The following NTRK2 variants were observed in gnomAD, a reference collection of about 807,000 sequenced individuals.
NTRK2 encodes neurotrophic receptor tyrosine kinase 2.
Under a neutral mutation model 94.5 loss-of-function variants are expected in NTRK2, and 13 were observed. The ratio of observed to expected loss-of-function variants is 0.14; its 90% CI spans 0.09 to 0.22. The LOEUF is 0.22. Among genes scored for constraint, NTRK2 ranks in the 10% least tolerant of loss-of-function variants. The probability of loss-of-function intolerance (pLI) is 1.00; values close to 1 mark genes in which losing one functional copy is unlikely to be tolerated. For synonymous variants in NTRK2, 372 were observed against 407.4 expected, an observed-to-expected ratio of 0.91 and a Z score of 1.05; for missense variants, 639 against 1,071.2, an observed-to-expected ratio of 0.60 and a Z score of 5.63.
intron 14 of NTRK2, among the ~76,000 whole-genome samples, chr9:84,888,209 GAA>G (rs1195211463): frequency 6.6e-6 from 1 of 152,160 alleles, no homozygotes; most frequent in Non-Finnish European, 1.5e-5. Flanking sequence ...GAAGGAGAAA[GAA>G]AACTTTTTTT....
At chr9:84,832,822 G>T (rs957459559) in intron 12 of NTRK2, among the ~76,000 whole-genome samples, 3 of 152,182 alleles carry the variant, frequency 2.0e-5, no homozygotes, top group Admixed American at 6.5e-5. Context: ...CTGGCCCAGT[G>T]TGTTTGAATC....
At chr9:84,923,955 G>T (rs1033769137) in intron 14 of NTRK2, among the ~76,000 whole-genome samples, 11 of 151,844 alleles carry the variant, frequency 7.2e-5, no homozygotes, top group African/African-American at 2.7e-4. Context: ...AACTGTAGTG[G>T]CTACTAGTTT....
intron 14 of NTRK2, among the ~76,000 whole-genome samples, chr9:84,893,755 G>A (rs1326708760): frequency 6.6e-6 from 1 of 152,132 alleles, no homozygotes; most frequent in Admixed American, 6.5e-5. Context: ...GGTGTGTATC[G>A]CTGGGGATGA....
chr9:84,900,337 TG>T (rs2076889388), intron 14 of NTRK2, among the ~76,000 whole-genome samples: 1 of 152,220 alleles, frequency 6.6e-6, no homozygotes, highest in South Asian at 2.1e-4. Flanking sequence ...TACTTGTTTC[TG>T]CTCATTGACT....
chr9:84,883,109 TG>T (rs1453370945), intron 14 of NTRK2, among the ~76,000 whole-genome samples: 5 of 152,178 alleles, frequency 3.3e-5, no homozygotes, highest in African/African-American at 1.2e-4. Flanking sequence ...GCATCCAAAC[TG>T]GTATCTATCA....
Position 84,669,980 on chromosome 9 carries a change from G to C in NTRK2, c.-373+92G>C, listed in dbSNP as rs558207242. 4 of 153,810 alleles carry C rather than the reference G, an allele frequency of 2.6e-5. No homozygotes were observed. Among genetic ancestry groups the C allele is most frequent in the African/African-American group, 7.2e-5 (3 of 41,490 alleles). 9.5% of individuals were successfully genotyped at this position (153,810 alleles called of 1,614,324 possible). A position where few individuals can be genotyped will look rare whatever the true frequency, so the allele number is the denominator to read the frequency against. ...CTACTCCCCAGGTGGGACGTGCCGC[G>C]CCACCTGCCCGCGCCACCGGCACCC... On this transcript the variant is annotated intron_variant, in intron 1 of 18. Transcript: ENST00000277120. The surrounding 1 kb of genome is among the most constrained non-coding windows in gnomAD (Gnocchi z 4.1).
chr9:84,735,003 C>G (rs2063152515), intron 9 of NTRK2, among the ~76,000 whole-genome samples: 1 of 152,018 alleles, frequency 6.6e-6, no homozygotes, highest in African/African-American at 2.4e-5. Context: ...GGGGACAAAA[C>G]CAATCTCCTG....
intron 15 of NTRK2, among the ~76,000 whole-genome samples, chr9:84,942,584 A>G (rs984989537): frequency 6.6e-6 from 1 of 152,218 alleles, no homozygotes; most frequent in South Asian, 2.1e-4. Flanking sequence ...ATTGAGAGTC[A>G]CATTTGTAAT....
At chr9:84,948,384 A>G (rs2132877733) in intron 15 of NTRK2, 78 bp from the exon 16 acceptor site, 1 of 1,455,016 alleles carries the variant, frequency 6.9e-7, no homozygotes, top group Non-Finnish European at 9.6e-7. Flanking sequence ...TTGCCTAACA[A>G]ATGAGATGGA....
At chr9:84,716,020 G>A (rs965983891) in intron 6 of NTRK2, among the ~76,000 whole-genome samples, 10 of 152,128 alleles carry the variant, frequency 6.6e-5, no homozygotes, top group African/African-American at 9.7e-5. Context: ...ATTTAAGAAA[G>A]GCAGTATTCC....
At chr9:84,907,755 G>A (rs1320388470) in intron 14 of NTRK2, among the ~76,000 whole-genome samples, 1 of 150,076 alleles carries the variant, frequency 6.7e-6, no homozygotes, top group Non-Finnish European at 1.5e-5. Context: ...TATAAATAAA[G>A]GTGGTTGTGG....
At position 84,885,460 on chromosome 9, in the gene NTRK2, T is replaced by C. The variant is rs577946566; in HGVS notation, c.1633+18029T>C. On this transcript the variant is annotated intron_variant, in intron 14 of 18. Transcript: ENST00000277120. ...TGGGAACTGCATCCGGTGTTCTTTG[T>C]ATGGTAATAAACTGAGCACATAAAA... 5.3e-5 allele frequency among the ~76,000 whole-genome samples: 8 copies of C among 152,320 alleles called. No homozygotes were observed. The South Asian group carries it at 6.2e-4, about 12-fold the overall frequency.
chr9:84,966,522 C>T (rs544734550), intron 17 of NTRK2, among the ~76,000 whole-genome samples: 1 of 152,284 alleles, frequency 6.6e-6, no homozygotes, highest in Admixed American at 6.5e-5. Flanking sequence ...ACCTCCACCT[C>T]CCGGGTTCAA....
chr9:84,985,398 A>T (rs1204395715), intron 17 of NTRK2, among the ~76,000 whole-genome samples: 1 of 152,196 alleles, frequency 6.6e-6, no homozygotes, highest in Non-Finnish European at 1.5e-5. Context: ...CAAAAGTTCC[A>T]CTGTCAAGGA....
At chr9:85,018,934 G>A (rs1049357915) in intron 17 of NTRK2, among the ~76,000 whole-genome samples, 2 of 152,138 alleles carry the variant, frequency 1.3e-5, no homozygotes, top group African/African-American at 4.8e-5. Flanking sequence ...GGTCACCTGA[G>A]CCAGAAGTTT....
intron 17 of NTRK2, among the ~76,000 whole-genome samples, chr9:85,007,789 C>A (rs1200093974): frequency 6.6e-6 from 1 of 152,164 alleles, no homozygotes; most frequent in African/African-American, 2.4e-5. Context: ...GCCTCTTTAT[C>A]CCTACATTGG....
At chr9:84,691,812 G>C (rs2060065537) in intron 2 of NTRK2, among the ~76,000 whole-genome samples, 1 of 151,998 alleles carries the variant, frequency 6.6e-6, no homozygotes, top group Admixed American at 6.5e-5. Context: ...GGTGTGACCA[G>C]ACGGCCTCCC....
At chr9:84,764,749 T>C (rs1327135531) in intron 12 of NTRK2, among the ~76,000 whole-genome samples, 2 of 152,158 alleles carry the variant, frequency 1.3e-5, no homozygotes, top group Non-Finnish European at 1.5e-5. Context: ...ACGGAAGAGA[T>C]ATCCACACTC....
intron 12 of NTRK2, among the ~76,000 whole-genome samples, chr9:84,792,349 G>A (rs374766010): frequency 7.2e-5 from 11 of 152,302 alleles, no homozygotes; most frequent in African/African-American, 2.4e-4. Flanking sequence ...AAGTATCAGT[G>A]TTGTTCTTGT....
Sources: gnomAD v4.1 joint callset for allele counts (sites outside exome capture counted in the v4.1 genomes callset) on GRCh38, gnomAD v4.1.1 for gene constraint, Gnocchi (gnomAD v3.1) non-coding constraint, MANE v1.5 for transcripts, NCBI Gene and HGNC (gene_info 2026-07-23, HGNC 2026-07-21) for gene names.